The following SERPINA11 variants were observed in gnomAD, a reference collection of about 807,000 sequenced individuals.
The protein encoded by SERPINA11 is serpin family A member 11.
Under a neutral mutation model 29.4 loss-of-function variants are expected in SERPINA11, and 28 were observed. The observed-to-expected ratio is 0.95, with a 90% CI of 0.70 to 1.30. The LOEUF (loss-of-function observed/expected upper bound fraction) is 1.30. Among genes scored for constraint, SERPINA11 ranks in the 50% most tolerant of loss-of-function variants. The pLI is 0.00. For synonymous variants in SERPINA11, 253 were observed against 206.6 expected, an observed-to-expected ratio of 1.22 and a Z score of -1.92; for missense variants, 530 against 507.3, an observed-to-expected ratio of 1.04 and a Z score of -0.43.
chr14:94,452,421 G>C (rs1018080157), intron 1 of SERPINA11, among the ~76,000 whole-genome samples: 2 of 151,726 alleles, frequency 1.3e-5, no homozygotes, highest in African/African-American at 4.8e-5. Context: ...GGGTTGTATT[G>C]TTTCATTTTC....
In SERPINA11 at chr14:94,448,672, G is replaced by A; in HGVS notation, c.103C>T (p.Pro35Ser). Residue 35 changes from proline to serine, a missense_variant, in exon 2 of 5, where the codon CCC (proline) becomes TCC (serine). Coordinates refer to ENST00000334708, the MANE Select transcript of SERPINA11 (RefSeq NM_001080451.2). ...GGCTCTGAGAGCTGATGCCTGGGGGGTTGAGGCCCCTGCAGACTTTTATCT... is the reference window on the plus strand; with the variant it reads ...GGCTCTGAGAGCTGATGCCTGGGGGATTGAGGCCCCTGCAGACTTTTATCT... ...HGDKSLQGPQPPRHQLSEPAP... is the reference protein window; with the variant it reads ...HGDKSLQGPQSPRHQLSEPAP... The A allele has an allele frequency of 1.9e-6, 3 of 1,571,480 alleles. No individual in the cohort carries two copies. Among genetic ancestry groups the A allele is most frequent in the Non-Finnish European group, 2.6e-6 (3 of 1,159,140 alleles).
chr14:94,443,543 C>T (rs1288603420), intron 3 of SERPINA11, among the ~76,000 whole-genome samples: 1 of 152,206 alleles, frequency 6.6e-6, no homozygotes, highest in Non-Finnish European at 1.5e-5. Flanking sequence ...CAAGGCTGAA[C>T]TGATGGAATC....
chr14:94,445,712 G>A (rs1386553728), intron 3 of SERPINA11, among the ~76,000 whole-genome samples: 1 of 151,780 alleles, frequency 6.6e-6, no homozygotes, highest in Non-Finnish European at 1.5e-5. Context: ...GGGACTATAG[G>A]CATGCATCAA....
intron 1 of SERPINA11, among the ~76,000 whole-genome samples, chr14:94,450,879 C>T (rs1418093551): frequency 6.6e-6 from 1 of 151,976 alleles, no homozygotes; most frequent in Non-Finnish European, 1.5e-5. Context: ...TCAGTCCCAT[C>T]CCCCGACCCT....
chr14:94,446,795 T>C (rs1369768887), intron 2 of SERPINA11, among the ~76,000 whole-genome samples, 191 bp from the exon 3 acceptor site: 2 of 152,220 alleles, frequency 1.3e-5, no homozygotes, highest in African/African-American at 4.8e-5. Context: ...GTTTGAGCAC[T>C]AACAGCCTAC....
Position 94,448,435 on chromosome 14 carries a change from C to T in SERPINA11, c.340G>A (p.Asp114Asn), listed in dbSNP as rs765626368. Residue 114 changes from aspartate to asparagine, a missense_variant, in exon 2 of 5, where the codon GAC becomes AAC. By Grantham distance (23) the Asp-to-Asn change is conservative. Coordinates refer to ENST00000334708, the MANE Select transcript of SERPINA11 (RefSeq NM_001080451.2). The stretch of plus-strand genomic sequence containing the variant: ...AGGCTCCGGAAGCCCTGGTGGATGT[C>T]GGCTTCAGGGGTTTCTGTGAGGTTG... ...GFNLTETPEADIHQGFRSLLH... is the reference protein window; with the variant it reads ...GFNLTETPEANIHQGFRSLLH... The T allele has an allele frequency of 7.4e-6, 12 of 1,613,952 alleles. No individual in the cohort carries two copies. Among genetic ancestry groups the T allele is most frequent in the Non-Finnish European group, 9.3e-6 (11 of 1,180,020 alleles).
At position 94,446,318 on chromosome 14, in the gene SERPINA11, C is replaced by T; in HGVS notation, c.917+13G>A. 1 of 1,608,782 alleles carries T rather than the reference C, an allele frequency of 6.2e-7. No individual in the cohort carries two copies. The highest frequency in any genetic ancestry group is 8.5e-7 in the Non-Finnish European group (1 of 1,178,216). On this transcript the variant is annotated intron_variant, in intron 3 of 4. Coordinates refer to ENST00000334708, the MANE Select transcript of SERPINA11 (RefSeq NM_001080451.2). ...AGCAAGGTCAGCCAGCATCCTTCTG[C>T]TGTGACACTTACCTGGGCAGGAGCA...
chr14:94,446,451 A>G lies in SERPINA11; in HGVS notation c.797T>C (p.Ile266Thr). The G allele has an allele frequency of 2.5e-6, 4 of 1,614,158 alleles. No individual in the cohort carries two copies. Among genetic ancestry groups the G allele is most frequent in the East Asian group, 2.2e-5 (1 of 44,882 alleles). ...CGCCAAGGCATTTCCTCTGTATTCTATCTGGAGGACGGTGCAAGCCAAATC... is the reference window on the plus strand; with the variant it reads ...CGCCAAGGCATTTCCTCTGTATTCTGTCTGGAGGACGGTGCAAGCCAAATC... The part of the protein sequence containing the change: ...DQDLACTVLQ[I>T]EYRGNALALL... The change falls in exon 3 of 5, where the codon ATA (isoleucine) becomes ACA (threonine). Residue 266 changes from isoleucine to threonine, a missense_variant. Ile to Thr is a moderately conservative substitution (Grantham distance 89). Transcript: ENST00000334708.
intron 1 of SERPINA11, among the ~76,000 whole-genome samples, chr14:94,449,971 T>G (rs936207086): frequency 6.6e-6 from 1 of 152,102 alleles, no homozygotes; most frequent in Non-Finnish European, 1.5e-5. Flanking sequence ...CCCTTTCCAG[T>G]CGTTCATTAG....
At chr14:94,442,945 T>G (rs1898371049) in intron 4 of SERPINA11, 133 bp downstream of exon 4, 16 of 1,282,068 alleles carry the variant, frequency 1.2e-5, no homozygotes, top group Non-Finnish European at 1.6e-5. Context: ...AGAGATGCCT[T>G]AAAGACTGTG....
Position 94,446,695 on chromosome 14 carries a change from A to G in SERPINA11, c.644-91T>C. Reference sequence around the variant, plus strand: ...CACAAAACCACAGTTCCTCTTGGCTATGCAAGTATGTGGCAAAAAATGTGG... The same window carrying G: ...CACAAAACCACAGTTCCTCTTGGCTGTGCAAGTATGTGGCAAAAAATGTGG... On this transcript the variant is annotated intron_variant, in intron 2 of 4. Coordinates refer to ENST00000334708, the MANE Select transcript of SERPINA11 (RefSeq NM_001080451.2). 5 of 1,334,518 alleles carry G rather than the reference A, an allele frequency of 3.7e-6. No individual in the cohort carries two copies. The South Asian group carries it at 4.2e-5, about 11-fold the overall frequency. The allele number at this position is 1,334,518 out of a possible 1,614,324, so 82.7% of individuals were successfully genotyped here. A position where few individuals can be genotyped will look rare whatever the true frequency, so the allele number is the denominator to read the frequency against.
At position 94,443,075 on chromosome 14, in the gene SERPINA11, T is replaced by C. The variant is rs1566782451; in HGVS notation, c.1065+3A>G. On this transcript the variant is annotated splice_donor_region_variant and intron_variant, in intron 4 of 4. Transcript: ENST00000334708. ...CCACAAACATCCATGTTCACCACTT[T>C]ACCTTGGAGATGGTTTTGTTGAGCT... The C allele has an allele frequency of 3.1e-6, 5 of 1,609,530 alleles. No homozygotes were observed. Among genetic ancestry groups the C allele is most frequent in the Non-Finnish European group, 3.4e-6 (4 of 1,178,266 alleles).
In SERPINA11 at chr14:94,451,808, G is replaced by A. The variant is rs537547123; in HGVS notation, c.-4+921C>T. Among the ~76,000 whole-genome samples, 10 of 152,310 alleles carry A rather than the reference G, an allele frequency of 6.6e-5. 1 individual carries two copies. Among genetic ancestry groups the A allele is most frequent in the African/African-American group, 1.4e-4 (6 of 41,576 alleles). On this transcript the variant is annotated intron_variant, in intron 1 of 4. Transcript: ENST00000334708. ...CAAAGTACAAAGCTCCAGGCATGCCGAAAGTACTCAATGGCAGTTTTTTTC... is the reference window on the plus strand; with the variant it reads ...CAAAGTACAAAGCTCCAGGCATGCCAAAAGTACTCAATGGCAGTTTTTTTC...
intron 2 of SERPINA11, 34 bp from the exon 3 acceptor site, chr14:94,446,638 T>C (rs1898445480): frequency 1.9e-6 from 3 of 1,583,442 alleles, no homozygotes; most frequent in Middle Eastern, 1.7e-4. Context: ...CCATGAGAAC[T>C]CTTTTCAAGA....
chr14:94,452,062 G>C, intron 1 of SERPINA11, among the ~76,000 whole-genome samples: 1 of 152,184 alleles, frequency 6.6e-6, no homozygotes, highest in Admixed American at 6.5e-5. Flanking sequence ...TCAGCTCAAT[G>C]CCTGGTGGAG....
chr14:94,443,415 C>A (rs115384668), intron 3 of SERPINA11, among the ~76,000 whole-genome samples, 190 bp from the exon 4 acceptor site: 3,346 of 152,224 alleles, frequency 0.022, 108 homozygotes, highest in African/African-American at 0.071. Flanking sequence ...TCTCTTTGGA[C>A]CTCCTGGAAT....
rs75949282 is a variant in SERPINA11 at position 94,448,292 on chromosome 14, A to G, written c.483T>C (p.Tyr161=). The G allele has an allele frequency of 1.1e-3, 1,796 of 1,614,250 alleles. 18 individuals carry two copies. In the African/African-American group the frequency reaches 0.022, roughly 20 times the overall value. Residue 161 remains tyrosine (Y), a synonymous_variant, in exon 2 of 5, where the codon TAT becomes TAC. Transcript: ENST00000334708. ...QHYLDSIKEL[Y]GAFAFSANFT... is the part of the protein sequence containing the mutation. Reference sequence around the variant, plus strand: ...AGTTGGCAGAAAAAGCAAAAGCTCCATAAAGCTCCTTGATGCTGTCCAAAT... The same window carrying G: ...AGTTGGCAGAAAAAGCAAAAGCTCCGTAAAGCTCCTTGATGCTGTCCAAAT...
intron 1 of SERPINA11, among the ~76,000 whole-genome samples, chr14:94,449,462 T>A (rs1429389485): frequency 8.4e-6 from 1 of 118,382 alleles, no homozygotes; most frequent in Non-Finnish European, 1.6e-5. Context: ...TCTTTCTTTC[T>A]TTCTTTCTTT....
At chr14:94,450,978 GCCTTCTCTTCTC>G (rs547028195) in intron 1 of SERPINA11, among the ~76,000 whole-genome samples, 1 of 152,258 alleles carries the variant, frequency 6.6e-6, no homozygotes, top group African/African-American at 2.4e-5. Context: ...AAGGAAGGCA[GCCTTCTCTTCTC>G]CCTTCAAATC....
Sources: gnomAD v4.1 joint callset for allele counts (sites outside exome capture counted in the v4.1 genomes callset) on GRCh38, gnomAD v4.1.1 for gene constraint, MANE v1.5 for transcripts, NCBI Gene and HGNC (gene_info 2026-07-23, HGNC 2026-07-21) for gene names.